FYB1: variants seen among roughly 807,000 people sequenced by gnomAD.
FYB1 encodes FYN-binding protein 1.
In FYB1, 41 loss-of-function variants were observed where a neutral mutation model predicts 94.1. That is an observed-to-expected ratio of 0.44 (90% CI 0.34 to 0.57). FYB1 has a LOEUF of 0.57. Ranked by LOEUF, FYB1 falls within the 20% of genes least tolerant of loss-of-function variation. The pLI is 0.02. For missense variants in FYB1, 1,050 were observed against 976.8 expected, an observed-to-expected ratio of 1.07 and a Z score of -1.00; for synonymous variants, 367 against 353.2, an observed-to-expected ratio of 1.04 and a Z score of -0.44.
chr5:39,228,831 T>G (rs914505712), intron 1 of FYB1, among the ~76,000 whole-genome samples: 1 of 152,182 alleles, frequency 6.6e-6, no homozygotes, highest in African/African-American at 2.4e-5. Context: ...ATCTTTCCTC[T>G]TTTTTGGTTC....
At chr5:39,235,335 C>A (rs2150577910) in intron 1 of FYB1, among the ~76,000 whole-genome samples, 1 of 150,794 alleles carries the variant, frequency 6.6e-6, no homozygotes, top group Admixed American at 6.6e-5. Context: ...GAGAAATGAA[C>A]AAAGGTGACA....
chr5:39,169,381 G>A, intron 2 of FYB1: 1 of 758,184 alleles, frequency 1.3e-6, no homozygotes, highest in Admixed American at 1.7e-5. Context: ...CTAGCTTTGT[G>A]AATTTTTCCG....
intron 1 of FYB1, among the ~76,000 whole-genome samples, chr5:39,205,548 T>C (rs768105268): frequency 1.3e-5 from 2 of 152,210 alleles, no homozygotes; most frequent in Non-Finnish European, 2.9e-5. Context: ...TTAAGTGGTA[T>C]CCTACTTAGG....
chr5:39,257,364 A>G (rs1561313238), intron 1 of FYB1, among the ~76,000 whole-genome samples: 1 of 152,256 alleles, frequency 6.6e-6, no homozygotes, highest in South Asian at 2.1e-4. Context: ...AATACTTTTT[A>G]AAAAGTCTCT....
At chr5:39,115,823 C>T (rs186429834) in intron 16 of FYB1, among the ~76,000 whole-genome samples, 1 of 152,026 alleles carries the variant, frequency 6.6e-6, no homozygotes, top group Non-Finnish European at 1.5e-5. Flanking sequence ...ATACTTAACC[C>T]GAAAGTCAGT....
At chr5:39,230,572 ATG>A (rs143636470) in intron 1 of FYB1, among the ~76,000 whole-genome samples, 5 of 151,950 alleles carry the variant, frequency 3.3e-5, no homozygotes, top group South Asian at 2.1e-4. Context: ...ATTTCTGTAT[ATG>A]TGTGTGTGTA....
At chr5:39,132,486 A>G (rs1741289235) in intron 9 of FYB1, among the ~76,000 whole-genome samples, 1 of 152,184 alleles carries the variant, frequency 6.6e-6, no homozygotes, top group African/African-American at 2.4e-5. Context: ...TAAGATACTG[A>G]GCATTAAAAC....
At chr5:39,125,467 C>A (rs1740565390) in intron 12 of FYB1, among the ~76,000 whole-genome samples, 2 of 152,018 alleles carry the variant, frequency 1.3e-5, no homozygotes, top group Non-Finnish European at 2.9e-5. Context: ...ATTAATATAT[C>A]ATTAGAGTGT....
chr5:39,128,498 T>C (rs1174463786), intron 10 of FYB1, among the ~76,000 whole-genome samples: 1 of 152,120 alleles, frequency 6.6e-6, no homozygotes, highest in Non-Finnish European at 1.5e-5. Context: ...ATAGGGGCCA[T>C]TGAACTACAG....
At chr5:39,145,047 A>G (rs1742522598) in intron 3 of FYB1, among the ~76,000 whole-genome samples, 2 of 152,202 alleles carry the variant, frequency 1.3e-5, no homozygotes, top group South Asian at 4.1e-4. Flanking sequence ...ATAAGAGGCA[A>G]GTGGGTGAGG....
chr5:39,109,617 G>A (rs924781800), intron 17 of FYB1, among the ~76,000 whole-genome samples: 9 of 152,076 alleles, frequency 5.9e-5, no homozygotes, highest in African/African-American at 2.2e-4. Context: ...TTGGTGTCAG[G>A]TTGTTGATGG....
At chr5:39,169,630 A>C (rs1745066738) in intron 2 of FYB1, 9 of 446,038 alleles carry the variant, frequency 2.0e-5, no homozygotes, top group South Asian at 1.4e-4. Context: ...GGATTACCTG[A>C]GGTCAGGAGT....
chr5:39,127,725 C>G lies in FYB1; in HGVS notation c.1907+16G>C. On this transcript the variant is annotated intron_variant, in intron 11 of 18. Transcript: ENST00000512982. ...ATATAATAATTTGCAAAAAGCAGTT[C>G]ACTGATTATTCTTACCCATCATCAG... 6.3e-7 allele frequency: 1 copy of G among 1,584,154 alleles called. No individual in the cohort carries two copies. The highest frequency in any genetic ancestry group is 8.6e-7 in the Non-Finnish European group (1 of 1,168,240).
intron 1 of FYB1, among the ~76,000 whole-genome samples, chr5:39,230,844 TACACACACACAC>T (rs10641788): frequency 1.1e-4 from 16 of 143,536 alleles, no homozygotes; most frequent in African/African-American, 4.2e-4. Flanking sequence ...TGTCTCAGTA[TACACACACACAC>T]ACACACACAC....
Position 39,107,428 on chromosome 5 carries a change from G to T in FYB1, c.*15C>A. 2.0e-6 allele frequency: 3 copies of T among 1,527,018 alleles called. No individual in the cohort carries two copies. The highest frequency in any genetic ancestry group is 2.6e-5 in the South Asian group (2 of 77,640). The allele number at this position is 1,527,018 out of a possible 1,614,324, so 94.6% of individuals were successfully genotyped here. A position where few individuals can be genotyped will look rare whatever the true frequency, so the allele number is the denominator to read the frequency against. On this transcript the variant is annotated 3_prime_UTR_variant, in exon 19 of 19. Coordinates refer to ENST00000512982, the MANE Select transcript of FYB1 (RefSeq NM_001465.6). ...TGGCACCTAATGAACACAGCAGAAT[G>T]ACCAAAGTTGAGTGCTAGTCATTGT...
chr5:39,170,150 C>G, intron 2 of FYB1: 1 of 774,926 alleles, frequency 1.3e-6, no homozygotes. Context: ...TAAGTAGCTA[C>G]AGGTCAAGTC....
chr5:39,153,625 T>C (rs1434745451), intron 2 of FYB1, 21 bp from the exon 3 acceptor site: 3 of 1,581,050 alleles, frequency 1.9e-6, no homozygotes, highest in East Asian at 4.5e-5. Context: ...AAGCAAACAA[T>C]ACCATGAATT....
intron 1 of FYB1, among the ~76,000 whole-genome samples, chr5:39,208,104 T>A (rs1279997207): frequency 6.6e-6 from 1 of 152,228 alleles, no homozygotes; most frequent in Non-Finnish European, 1.5e-5. Flanking sequence ...AGCAATGGTT[T>A]TTAAAGTTGC....
intron 2 of FYB1, among the ~76,000 whole-genome samples, chr5:39,175,613 G>A (rs1480481776): frequency 6.6e-6 from 1 of 152,184 alleles, no homozygotes. Flanking sequence ...GCGGGTACAT[G>A]CTGTGTGGAA....
Sources: gnomAD v4.1 joint callset for allele counts (sites outside exome capture counted in the v4.1 genomes callset) on GRCh38, gnomAD v4.1.1 for gene constraint, MANE v1.5 for transcripts, NCBI Gene and HGNC (gene_info 2026-07-23, HGNC 2026-07-21) for gene names.